Variants in EFCAB3 observed in about 807,000 individuals in gnomAD.
EFCAB3 encodes the protein EF-hand calcium-binding domain-containing protein 3.
A neutral mutation model predicts 42.2 loss-of-function variants in EFCAB3; 36 were observed. The observed-to-expected ratio is 0.85, with a 90% CI of 0.65 to 1.13. The LOEUF (loss-of-function observed/expected upper bound fraction) is 1.13, where lower values mean the gene tolerates loss of function less well. EFCAB3 is among the 50% of genes most tolerant of loss of function. The pLI is 0.00. For missense variants in EFCAB3, 418 were observed against 505.1 expected (o/e 0.83, Z 1.65); for synonymous variants, 170 against 172.8 (o/e 0.98, Z 0.13).
chr17:62,404,740 G>A (rs1031571810), intron 6 of EFCAB3, among the ~76,000 whole-genome samples: 4 of 152,010 alleles, frequency 2.6e-5, no homozygotes, highest in African/African-American at 7.3e-5. Flanking sequence ...AGGTTGCAGT[G>A]AGCCAAGATC....
intron 6 of EFCAB3, among the ~76,000 whole-genome samples, chr17:62,399,123 T>G (rs1228230043): frequency 6.6e-6 from 1 of 151,982 alleles, no homozygotes; most frequent in African/African-American, 2.4e-5. Flanking sequence ...ATGCTGCAGA[T>G]CATATCACTC....
intron 5 of EFCAB3, among the ~76,000 whole-genome samples, chr17:62,394,748 G>A (rs1014829052): frequency 2.0e-5 from 3 of 152,132 alleles, no homozygotes; most frequent in Admixed American, 2.0e-4. Flanking sequence ...CTTACAAGTA[G>A]TACTATAGTA....
intron 9 of EFCAB3, among the ~76,000 whole-genome samples, chr17:62,415,418 C>A (rs757437340): frequency 1.3e-5 from 2 of 152,232 alleles, no homozygotes; most frequent in Non-Finnish European, 2.9e-5. Flanking sequence ...GCTAGCCTCA[C>A]AGAGATTACT....
intron 8 of EFCAB3, among the ~76,000 whole-genome samples, chr17:62,409,459 C>G (rs1175480915): frequency 6.6e-6 from 1 of 152,134 alleles, no homozygotes; most frequent in African/African-American, 2.4e-5. Flanking sequence ...CACTTGAGCC[C>G]AGGAGTTCAA....
intron 6 of EFCAB3, chr17:62,398,092 G>T: frequency 6.3e-6 from 2 of 317,726 alleles, no homozygotes; most frequent in Non-Finnish European, 6.2e-6. Flanking sequence ...AGTGCCCAAT[G>T]TCTCTCTTTT....
intron 2 of EFCAB3, among the ~76,000 whole-genome samples, chr17:62,386,145 TG>T (rs1567722062): frequency 6.6e-6 from 1 of 152,148 alleles, no homozygotes; most frequent in African/African-American, 2.4e-5. Context: ...TTTATAAAAT[TG>T]GTTATAATTA....
At chr17:62,371,791 A>T (rs1483950234) in intron 1 of EFCAB3, among the ~76,000 whole-genome samples, 2 of 152,134 alleles carry the variant, frequency 1.3e-5, no homozygotes, top group Non-Finnish European at 2.9e-5. Context: ...TATTGAGTCT[A>T]TTTACATGGC....
At position 62,407,048 on chromosome 17, in the gene EFCAB3, A is replaced by AT. The variant is rs2144107349; in HGVS notation, c.703_704insT (p.Ser235MetfsTer14). On this transcript the variant is annotated frameshift_variant, in exon 8 of 10. Transcript: ENST00000305286. LOFTEE classifies it high-confidence loss of function. ...TTTAGGATGCAATTCCGGTTCAGATAGCCCATATTCAAAAATACCCATCTT... is the reference window on the plus strand; with the variant it reads ...TTTAGGATGCAATTCCGGTTCAGATATGCCCATATTCAAAAATACCCATCTT... 6.3e-7 allele frequency: 1 copy of AT among 1,589,206 alleles called. No individual in the cohort carries two copies. Among genetic ancestry groups the AT allele is most frequent in the South Asian group, 1.2e-5 (1 of 85,712 alleles).
chr17:62,392,824 A>T (rs2070315934), intron 4 of EFCAB3, among the ~76,000 whole-genome samples: 1 of 151,852 alleles, frequency 6.6e-6, no homozygotes, highest in Non-Finnish European at 1.5e-5. Context: ...TTTTTAGTAG[A>T]TACAGGGTTT....
At chr17:62,400,952 T>G (rs925104844) in intron 6 of EFCAB3, among the ~76,000 whole-genome samples, 3 of 152,124 alleles carry the variant, frequency 2.0e-5, no homozygotes, top group African/African-American at 7.2e-5. Context: ...ACTTTAATGA[T>G]TTTAATGACT....
chr17:62,387,326 A>C lies in EFCAB3; in HGVS notation c.75-14A>C. 1 of 1,596,062 alleles carries C rather than the reference A, an allele frequency of 6.3e-7. No homozygotes were observed. The highest frequency in any genetic ancestry group is 8.6e-7 in the Non-Finnish European group (1 of 1,167,690). On this transcript the variant is annotated splice_polypyrimidine_tract_variant and intron_variant, in intron 2 of 9. Coordinates refer to ENST00000305286, the MANE Select transcript of EFCAB3 (RefSeq NM_173503.4). ...ATAGGTAGTAAATCTAAATATTTTC[A>C]CATCTTTCCTCAGGGATAGAGACTT...
In EFCAB3 at chr17:62,406,642, G is replaced by C; in HGVS notation, c.651G>C (p.Lys217Asn). ...NAARIAIMKEKDLFKFLEELK... is the reference protein window; with the variant it reads ...NAARIAIMKENDLFKFLEELK... The stretch of plus-strand genomic sequence containing the variant: ...CCCGGATTGCAATAATGAAAGAAAA[G>C]GATTTATTTAAATTTCTTGAAGAGC... Residue 217 changes from lysine (K) to asparagine (N), a missense_variant, in exon 7 of 10, where the codon AAG (lysine) becomes AAC (asparagine). Lys to Asn is a moderately conservative substitution (Grantham distance 94). Transcript: ENST00000305286. 1 of 1,613,854 alleles carries C rather than the reference G, an allele frequency of 6.2e-7. No homozygotes were observed. Among genetic ancestry groups the C allele is most frequent in the Non-Finnish European group, 8.5e-7 (1 of 1,179,932 alleles).
rs754277622 is a variant in EFCAB3, at chr17:62,383,034, C to A, written c.55C>A (p.Pro19Thr). 1 of 1,613,000 alleles carries A rather than the reference C, an allele frequency of 6.2e-7. No individual in the cohort carries two copies. The highest frequency in any genetic ancestry group is 8.5e-7 in the Non-Finnish European group (1 of 1,179,580). The change falls in exon 2 of 10, where the codon CCC (proline) becomes ACC (threonine). Residue 19 changes from proline to threonine, a missense_variant. Transcript: ENST00000305286. ...KLKLNPLTKV[P>T]ISHNKRDRDL... ...TAAGCTGAATCCTCTAACAAAAGTACCCATCTCCCACAATAAAAGGTAGGT... is the reference window on the plus strand; with the variant it reads ...TAAGCTGAATCCTCTAACAAAAGTAACCATCTCCCACAATAAAAGGTAGGT...
upstream of EFCAB3, among the ~76,000 whole-genome samples, chr17:62,380,386 A>G (rs1009676638): frequency 2.6e-5 from 4 of 152,230 alleles, no homozygotes; most frequent in Admixed American, 2.0e-4. Context: ...AACAGTGTCA[A>G]AATGTTCAGA....
chr17:62,385,605 G>A (rs1483752999), intron 2 of EFCAB3, among the ~76,000 whole-genome samples: 1 of 151,906 alleles, frequency 6.6e-6, no homozygotes, highest in Admixed American at 6.6e-5. Context: ...TTTCTCCCAG[G>A]CCCCTCTTTG....
chr17:62,412,615 C>T (rs1272434348), intron 8 of EFCAB3, among the ~76,000 whole-genome samples: 1 of 151,822 alleles, frequency 6.6e-6, no homozygotes. Context: ...CAGACACGTG[C>T]CACCATGCCC....
chr17:62,380,567 G>T lies in EFCAB3; in HGVS notation c.-64G>T. 1.0e-6 allele frequency: 1 copy of T among 985,408 alleles called. No individual in the cohort carries two copies. Among genetic ancestry groups the T allele is most frequent in the Non-Finnish European group, 1.2e-6 (1 of 829,934 alleles). The allele number at this position is 985,408 out of a possible 1,614,324, so 61.0% of individuals were successfully genotyped here. On this transcript the variant is annotated 5_prime_UTR_variant, in exon 1 of 10. Transcript: ENST00000305286. ...GGAACAAACCCTTTATTGGATTCCT[G>T]ATCTGATTGAAGCCCAGAAGTGGTA... is the stretch of plus-strand genomic sequence containing the variant.
intron 3 of EFCAB3, among the ~76,000 whole-genome samples, chr17:62,388,519 T>A (rs879825905): frequency 5.3e-5 from 8 of 152,218 alleles, no homozygotes; most frequent in Non-Finnish European, 4.4e-5. Context: ...ATCTGGTTTC[T>A]GAAGAGGCTG....
chr17:62,396,396 T>C (rs2055181841), intron 6 of EFCAB3, among the ~76,000 whole-genome samples: 1 of 151,638 alleles, frequency 6.6e-6, no homozygotes, highest in Admixed American at 6.6e-5. Flanking sequence ...CTACTAAAAA[T>C]ACAAAAATTA....
Sources: allele counts gnomAD v4.1 joint callset (sites outside exome capture counted in the v4.1 genomes callset), GRCh38; gene constraint gnomAD v4.1.1; transcripts MANE v1.5; gene names NCBI Gene and HGNC (gene_info 2026-07-23, HGNC 2026-07-21).